Variants in SRRM1 observed in about 807,000 individuals in gnomAD.
The protein encoded by SRRM1 is serine/arginine repetitive matrix protein 1.
In SRRM1, 19 loss-of-function variants were observed where a neutral mutation model predicts 110.2. The observed-to-expected ratio is 0.17, with a 90% CI of 0.12 to 0.25. The LOEUF (loss-of-function observed/expected upper bound fraction) is 0.25. Ranked by LOEUF, SRRM1 falls within the 10% of genes least tolerant of loss-of-function variation. The pLI is 1.00. For missense variants in SRRM1, 918 were observed against 1,145.8 expected (o/e 0.80, Z 2.87); for synonymous variants, 443 against 414.9 (o/e 1.07, Z -0.82).
At chr1:24,644,526 G>A (rs150413238) in intron 1 of SRRM1, among the ~76,000 whole-genome samples, 1 of 152,194 alleles carries the variant, frequency 6.6e-6, no homozygotes, top group African/African-American at 2.4e-5. Flanking sequence ...TGGACACTCC[G>A]AATTGGACAT....
In SRRM1 at chr1:24,673,243, C is replaced by G. The variant is rs1673430932; in HGVS notation, c.*957C>G. 1 of 151,466 alleles carries G rather than the reference C, an allele frequency of 6.6e-6. No homozygotes were observed. The highest frequency in any genetic ancestry group is 2.4e-5 in the African/African-American group (1 of 41,186). The allele number at this position is 151,466 out of a possible 1,614,324, so 9.4% of individuals were successfully genotyped here. A position where few individuals can be genotyped will look rare whatever the true frequency, so the allele number is the denominator to read the frequency against. ...AGCTATATAAAGCTTGTGGATTAAA[C>G]AGAATAAATTTCTAAATTTAAAAAT... On this transcript the variant is annotated 3_prime_UTR_variant, in exon 17 of 17. Coordinates refer to ENST00000323848, the MANE Select transcript of SRRM1 (RefSeq NM_005839.4).
chr1:24,652,521 G>A lies in SRRM1; in HGVS notation c.813G>A (p.Lys271=). 6.2e-7 allele frequency: 1 copy of A among 1,612,130 alleles called. No individual in the cohort carries two copies. ...PEKNSKKEKE[K]EKTRPRSRSR... is the part of the protein sequence containing the mutation. ...AAAATTCCAAAAAAGAAAAGGAGAAGGAGAAGACCCGACCACGATCTCGGT... is the reference window on the plus strand; with the variant it reads ...AAAATTCCAAAAAAGAAAAGGAGAAAGAGAAGACCCGACCACGATCTCGGT... Residue 271 remains lysine (K), a synonymous_variant, in exon 7 of 17, where the codon AAG becomes AAA. Transcript: ENST00000323848.
chr1:24,661,570 C>A (rs1046906090), intron 11 of SRRM1, among the ~76,000 whole-genome samples, 174 bp downstream of exon 11: 6 of 152,088 alleles, frequency 3.9e-5, no homozygotes, highest in African/African-American at 1.4e-4. Context: ...ATTTAATTTT[C>A]TGTTACATTG....
Position 24,651,513 on chromosome 1 carries a change from G to A in SRRM1, c.626G>A (p.Ser209Asn). The part of the protein sequence containing the change: ...RSPRHRTKSR[S>N]PSPAPEKKEK... ...CCCCGTCACAGAACCAAGAGCCGGA[G>A]TCCTTCCCCTGCTCCAGAAAAGAAG... is the stretch of plus-strand genomic sequence containing the variant. Residue 209 changes from serine to asparagine, a missense_variant, in exon 6 of 17, where the codon AGT (serine) becomes AAT (asparagine). Coordinates refer to ENST00000323848, the MANE Select transcript of SRRM1 (RefSeq NM_005839.4). 6.2e-7 allele frequency: 1 copy of A among 1,614,160 alleles called. No individual in the cohort carries two copies. The highest frequency in any genetic ancestry group is 8.5e-7 in the Non-Finnish European group (1 of 1,180,024).
At position 24,672,309 on chromosome 1, in the gene SRRM1, A is replaced by G. The variant is rs749025884; in HGVS notation, c.*23A>G. The G allele has an allele frequency of 2.0e-6, 3 of 1,533,842 alleles. No individual in the cohort carries two copies. Among genetic ancestry groups the G allele is most frequent in the South Asian group, 1.2e-5 (1 of 84,616 alleles). ...TAGGGGGAAATGTTTGTTATGATGT[A>G]AATTTTATTTGGTTTGTACGCAGTT... is the stretch of plus-strand genomic sequence containing the variant. On this transcript the variant is annotated 3_prime_UTR_variant, in exon 17 of 17. Transcript: ENST00000323848.
intron 11 of SRRM1, 101 bp from the exon 12 acceptor site, chr1:24,662,559 T>A: frequency 2.6e-6 from 3 of 1,151,718 alleles, no homozygotes; most frequent in South Asian, 2.9e-5. Context: ...GTATACATGC[T>A]TGCTTACCCT....
At chr1:24,669,643 G>GA in intron 14 of SRRM1, 56 bp downstream of exon 14, 1 of 1,329,642 alleles carries the variant, frequency 7.5e-7, no homozygotes, top group Non-Finnish European at 1.0e-6. Context: ...TTTATATTTG[G>GA]AAGCTTCCCC....
intron 1 of SRRM1, chr1:24,643,613 C>A: frequency 2.5e-6 from 1 of 398,342 alleles, no homozygotes; most frequent in East Asian, 3.7e-5. Context: ...GGGATGGTAC[C>A]TCGCTGCCCG....
intron 9 of SRRM1, among the ~76,000 whole-genome samples, chr1:24,658,359 T>C (rs1391052605): frequency 6.6e-6 from 1 of 152,062 alleles, no homozygotes; most frequent in African/African-American, 2.4e-5. Flanking sequence ...TACAGGCACA[T>C]GCCACCACAC....
At chr1:24,645,865 A>G (rs1657212954) in intron 1 of SRRM1, 119 bp from the exon 2 acceptor site, 2 of 707,820 alleles carry the variant, frequency 2.8e-6, no homozygotes, top group Non-Finnish European at 4.8e-6. Context: ...CTCATCTATG[A>G]AAACTAGTTT....
chr1:24,666,012 G>T (rs1669805357), intron 12 of SRRM1, among the ~76,000 whole-genome samples: 1 of 152,188 alleles, frequency 6.6e-6, no homozygotes, highest in Non-Finnish European at 1.5e-5. Flanking sequence ...TTGAATTTCT[G>T]TATTAGAGTC....
intron 16 of SRRM1, 50 bp downstream of exon 16, chr1:24,671,645 C>A: frequency 6.7e-7 from 1 of 1,487,998 alleles, no homozygotes; most frequent in Non-Finnish European, 9.0e-7. Flanking sequence ...GTACAGATAG[C>A]AAAGTCATTT....
intron 3 of SRRM1, chr1:24,648,571 C>T (rs112176003): frequency 0.021 from 5,248 of 251,720 alleles, 257 homozygotes; most frequent in African/African-American, 0.11. Flanking sequence ...AAATGTAAGG[C>T]CCACTAACAG....
chr1:24,660,691 G>C (rs760796640), intron 9 of SRRM1, 28 bp from the exon 10 acceptor site: 2 of 1,340,494 alleles, frequency 1.5e-6, no homozygotes, highest in Non-Finnish European at 2.0e-6. Flanking sequence ...TTGTACGTAA[G>C]CTTTTTTCCA....
At chr1:24,672,118 C>A in intron 16 of SRRM1, 64 bp from the exon 17 acceptor site, 1 of 1,278,626 alleles carries the variant, frequency 7.8e-7, no homozygotes, top group Non-Finnish European at 1.1e-6. Flanking sequence ...TTTGATTCTG[C>A]TCTTTACTCG....
At position 24,652,511 on chromosome 1, in the gene SRRM1, A is replaced by G; in HGVS notation, c.803A>G (p.Glu268Gly). Residue 268 changes from glutamate to glycine, a missense_variant, in exon 7 of 17, where the codon GAA (glutamate) becomes GGA (glycine). Around this residue, in one of 5 missense-constraint regions of SRRM1, gnomAD observed 456 missense variants for 453.5 expected, o/e 1.01. Coordinates refer to ENST00000323848, the MANE Select transcript of SRRM1 (RefSeq NM_005839.4). ...TCTCCGGAAAAAAATTCCAAAAAAGAAAAGGAGAAGGAGAAGACCCGACCA... is the reference window on the plus strand; with the variant it reads ...TCTCCGGAAAAAAATTCCAAAAAAGGAAAGGAGAAGGAGAAGACCCGACCA... ...EPSPEKNSKKEKEKEKTRPRS... is the reference protein window; with the variant it reads ...EPSPEKNSKKGKEKEKTRPRS... 6.2e-7 allele frequency: 1 copy of G among 1,613,000 alleles called. No individual in the cohort carries two copies. Among genetic ancestry groups the G allele is most frequent in the Non-Finnish European group, 8.5e-7 (1 of 1,179,594 alleles).
chr1:24,672,063 C>G (rs1673056570), intron 16 of SRRM1, 119 bp from the exon 17 acceptor site: 2 of 726,172 alleles, frequency 2.8e-6, no homozygotes, highest in Non-Finnish European at 4.6e-6. Flanking sequence ...CCCTGCTCCC[C>G]CTACCCCACA....
At position 24,661,725 on chromosome 1, in the gene SRRM1, C is replaced by T. The variant is rs115184843; in HGVS notation, c.1483+329C>T. Among the ~76,000 whole-genome samples, 925 of 152,212 alleles carry T rather than the reference C, an allele frequency of 6.1e-3. 14 individuals are homozygous for T. The highest frequency in any genetic ancestry group is 0.021 in the African/African-American group (875 of 41,528). On this transcript the variant is annotated intron_variant, in intron 11 of 16. Transcript: ENST00000323848. ...TATAGAAAAAGGAAAAGAAAAAACCCCACAGAAGCTCAACTGTAGATATGT... is the reference window on the plus strand; with the variant it reads ...TATAGAAAAAGGAAAAGAAAAAACCTCACAGAAGCTCAACTGTAGATATGT...
Position 24,660,598 on chromosome 1 carries a change from A to T in SRRM1, c.1316-121A>T, listed in dbSNP as rs569787952. 4.8e-5 allele frequency: 21 copies of T among 436,430 alleles called. No individual in the cohort carries two copies. The South Asian group carries it at 1.1e-3, about 22-fold the overall frequency. 27.0% of individuals were successfully genotyped at this position (436,430 alleles called of 1,614,324 possible). ...TCAGGAGTTCAAGACTAGCCTGACT[A>T]ATATAGTGAGACCCCATCTTTATTT... is the stretch of plus-strand genomic sequence containing the variant. On this transcript the variant is annotated intron_variant, in intron 9 of 16. Transcript: ENST00000323848.
Sources: gnomAD v4.1 joint callset for allele counts (sites outside exome capture counted in the v4.1 genomes callset) on GRCh38, gnomAD v4.1.1 for gene constraint, gnomAD v4.1.1 regional missense constraint, MANE v1.5 for transcripts, NCBI Gene and HGNC (gene_info 2026-07-23, HGNC 2026-07-21) for gene names.